The following CEPT1 variants were observed in gnomAD, a reference collection of about 807,000 sequenced individuals.
The protein encoded by CEPT1 is choline/ethanolaminephosphotransferase 1.
CEPT1 carries 7 observed loss-of-function variants against 42.6 expected under a neutral mutation model. The observed-to-expected ratio is 0.16, with a 90% CI of 0.09 to 0.31. The LOEUF (loss-of-function observed/expected upper bound fraction) is 0.31, where lower values mean the gene tolerates loss of function less well. Among genes scored for constraint, CEPT1 ranks in the 10% least tolerant of loss-of-function variants. CEPT1 has a pLI of 1.00. For synonymous variants in CEPT1, 171 were observed against 171.9 expected (o/e 0.99, Z 0.04); for missense variants, 306 against 502.1 (o/e 0.61, Z 3.73).
intron 5 of CEPT1, chr1:111,178,926 C>G (rs1381413138): frequency 6.6e-6 from 1 of 152,050 alleles, no homozygotes; most frequent in Non-Finnish European, 1.5e-5. Flanking sequence ...GGTGATTTTC[C>G]TTTGTAGACA....
At chr1:111,152,328 AG>A (rs3838426) in intron 2 of CEPT1, among the ~76,000 whole-genome samples, 106,329 of 151,970 alleles carry the variant, frequency 0.7, 37,753 homozygotes, top group African/African-American at 0.82. Context: ...TGAAAAGTGA[AG>A]GGGGAAAAAA....
intron 4 of CEPT1, among the ~76,000 whole-genome samples, chr1:111,171,913 T>C (rs905123248): frequency 1.3e-5 from 2 of 152,170 alleles, no homozygotes; most frequent in African/African-American, 2.4e-5. Flanking sequence ...AATTTTGTAT[T>C]GTTAGTAGAG....
Position 111,184,219 on chromosome 1 carries a change from A to G in CEPT1, c.1160A>G (p.Tyr387Cys). 6.2e-7 allele frequency: 1 copy of G among 1,613,622 alleles called. No individual in the cohort carries two copies. The highest frequency in any genetic ancestry group is 8.5e-7 in the Non-Finnish European group (1 of 1,179,610). The change falls in exon 9 of 9, where the codon TAC (tyrosine) becomes TGC (cysteine). Residue 387 changes from tyrosine to cysteine, a missense_variant. This residue lies in a region of CEPT1 where 253 missense variants were observed against 447.3 expected (regional missense o/e 0.57). Transcript: ENST00000357172. ...LVFSFFDLIR[Y>C]CVSVCNQIAS... Reference sequence around the variant, plus strand: ...TTCTCTTTCTTTGATTTGATCCGCTACTGTGTCAGTGTTTGCAATCAGATT... The same window carrying G: ...TTCTCTTTCTTTGATTTGATCCGCTGCTGTGTCAGTGTTTGCAATCAGATT...
chr1:111,165,321 T>C (rs1656095115), intron 4 of CEPT1, among the ~76,000 whole-genome samples: 1 of 151,866 alleles, frequency 6.6e-6, no homozygotes, highest in South Asian at 2.1e-4. Flanking sequence ...GTGCTGGGAT[T>C]ACAGGCGTGA....
chr1:111,147,643 TA>T lies in CEPT1; in HGVS notation c.-70del. 9.6e-7 allele frequency: 1 copy of T among 1,040,140 alleles called. No individual in the cohort carries two copies. The highest frequency in any genetic ancestry group is 1.4e-6 in the Non-Finnish European group (1 of 723,418). The allele number at this position is 1,040,140 out of a possible 1,614,324, so 64.4% of individuals were successfully genotyped here. ...TTTTTATTTTATTTTATTTTTTAGG[TA>T]AGCACCAGCCACAAAAACCTACAAA... On this transcript the variant is annotated splice_region_variant and 5_prime_UTR_variant, in exon 2 of 9. Coordinates refer to ENST00000357172, the MANE Select transcript of CEPT1 (RefSeq NM_006090.5).
chr1:111,139,621 G>A (rs1654110420), upstream of CEPT1: 2 of 152,252 alleles, frequency 1.3e-5, no homozygotes, highest in African/African-American at 4.8e-5. Flanking sequence ...ATTTTCTCCG[G>A]AAGCGCGAAG....
rs978105668 is a variant in CEPT1 at position 111,159,318 on chromosome 1, T to A, written c.340-62T>A. On this transcript the variant is annotated intron_variant, in intron 2 of 8. Transcript: ENST00000357172. ...GCTTTCCAACCTGCAGGTAAAAATA[T>A]GTTAGTCAAACATGGTAACTGTGTG... 3.3e-6 allele frequency: 5 copies of A among 1,517,336 alleles called. No individual in the cohort carries two copies. In the African/African-American group the frequency reaches 7.1e-5, roughly 21 times the overall value. 94.0% of individuals were successfully genotyped at this position (1,517,336 alleles called of 1,614,324 possible). A position where few individuals can be genotyped will look rare whatever the true frequency, so the allele number is the denominator to read the frequency against.
intron 4 of CEPT1, among the ~76,000 whole-genome samples, chr1:111,169,833 T>G (rs1478780750): frequency 6.6e-6 from 1 of 152,180 alleles, no homozygotes; most frequent in Non-Finnish European, 1.5e-5. Flanking sequence ...TGAAATTGTA[T>G]TAGAATACAA....
At chr1:111,158,267 C>T (rs1655677074) in intron 2 of CEPT1, among the ~76,000 whole-genome samples, 1 of 152,160 alleles carries the variant, frequency 6.6e-6, no homozygotes, top group Admixed American at 6.5e-5. Flanking sequence ...GCAGGAGAAT[C>T]TCTTGAACCC....
chr1:111,159,274 C>A, intron 2 of CEPT1, 106 bp from the exon 3 acceptor site: 1 of 1,027,230 alleles, frequency 9.7e-7, no homozygotes, highest in Non-Finnish European at 1.5e-6. Flanking sequence ...TGGATCTTCT[C>A]TCCCATAGCT....
At chr1:111,147,586 T>G in intron 1 of CEPT1, 56 bp from the exon 2 acceptor site, 1 of 612,844 alleles carries the variant, frequency 1.6e-6, no homozygotes, top group East Asian at 2.9e-5. Context: ...TGGCATAAGA[T>G]GTAAATAGTG....
intron 1 of CEPT1, among the ~76,000 whole-genome samples, chr1:111,141,042 T>C (rs1343228269): frequency 6.6e-6 from 1 of 152,230 alleles, no homozygotes; most frequent in Non-Finnish European, 1.5e-5. Flanking sequence ...ATCATTAGTA[T>C]TGAATATATA....
intron 2 of CEPT1, among the ~76,000 whole-genome samples, chr1:111,148,750 C>G (rs1316062982): frequency 6.6e-6 from 1 of 152,208 alleles, no homozygotes; most frequent in Non-Finnish European, 1.5e-5. Context: ...AACTCTTTAT[C>G]AGAATAGATA....
intron 2 of CEPT1, among the ~76,000 whole-genome samples, chr1:111,152,456 GT>G: frequency 6.6e-6 from 1 of 151,972 alleles, no homozygotes; most frequent in Non-Finnish European, 1.5e-5. Flanking sequence ...ATGTAATAAA[GT>G]TTAACAGTAT....
At chr1:111,147,575 T>C (rs1236562077) in intron 1 of CEPT1, 67 bp from the exon 2 acceptor site, 1 of 550,574 alleles carries the variant, frequency 1.8e-6, no homozygotes, top group Non-Finnish European at 3.0e-6. Flanking sequence ...TTTGTTAATA[T>C]TGGCATAAGA....
intron 1 of CEPT1, among the ~76,000 whole-genome samples, chr1:111,142,467 A>G (rs1253817315): frequency 6.6e-6 from 1 of 152,154 alleles, no homozygotes; most frequent in Non-Finnish European, 1.5e-5. Flanking sequence ...ATACTAGACG[A>G]ATAATATTTG....
At chr1:111,169,111 C>T (rs997957525) in intron 4 of CEPT1, among the ~76,000 whole-genome samples, 16 of 152,274 alleles carry the variant, frequency 1.1e-4, no homozygotes, top group South Asian at 8.3e-4. Context: ...AAAGTCTGTA[C>T]GTGTTCAGTA....
chr1:111,171,911 A>G (rs1656435782), intron 4 of CEPT1, among the ~76,000 whole-genome samples: 1 of 152,068 alleles, frequency 6.6e-6, no homozygotes, highest in East Asian at 1.9e-4. Flanking sequence ...TTAATTTTGT[A>G]TTGTTAGTAG....
chr1:111,152,438 C>T (rs1252641254), intron 2 of CEPT1, among the ~76,000 whole-genome samples: 2 of 152,172 alleles, frequency 1.3e-5, no homozygotes, highest in Non-Finnish European at 2.9e-5. Context: ...CCTAACCTCT[C>T]TCCTCAAATG....
Sources: allele counts gnomAD v4.1 joint callset (sites outside exome capture counted in the v4.1 genomes callset), GRCh38; gene constraint gnomAD v4.1.1; regional missense constraint gnomAD v4.1.1; transcripts MANE v1.5; gene names NCBI Gene and HGNC (gene_info 2026-07-23, HGNC 2026-07-21).